Variants in DMD observed in about 807,000 individuals in gnomAD.
DMD encodes the protein mutant dystrophin.
DMD carries 63 observed loss-of-function variants against 330.1 expected under a neutral mutation model. The observed-to-expected ratio is 0.19, with a 90% CI of 0.16 to 0.24. The LOEUF is 0.24. Among genes scored for constraint, DMD ranks in the 10% least tolerant of loss-of-function variants. DMD has a pLI of 1.00. For missense variants in DMD, 3,344 were observed against 2,684.1 expected (o/e 1.25, Z -5.43); for synonymous variants, 1,223 against 959.8 (o/e 1.27, Z -5.07).
rs893536536 is a variant in DMD at position 32,740,574 on chromosome X, ATAT to A, written c.650-41284_650-41282del. On this transcript the variant is annotated intron_variant, in intron 7 of 78. Coordinates refer to ENST00000357033, the MANE Select transcript of DMD (RefSeq NM_004006.3). Reference sequence around the variant, plus strand: ...TAAGAATTTTACATGAATATTTACTATATTATTATTTAAGCATTATATAATCAT... The same window carrying A: ...TAAGAATTTTACATGAATATTTACTATATTATTTAAGCATTATATAATCAT... 8.1e-5 allele frequency among the ~76,000 whole-genome samples: 9 copies of A among 111,669 alleles called. 1 individual carries two copies. Among genetic ancestry groups the A allele is most frequent in the Non-Finnish European group, 1.1e-4 (6 of 53,106 alleles).
intron 7 of DMD, among the ~76,000 whole-genome samples, chrX:32,749,168 C>A (rs928726113): frequency 1.8e-5 from 2 of 112,081 alleles, no homozygotes; most frequent in African/African-American, 6.5e-5. Context: ...GTGATTGAAT[C>A]ACTATAATAT....
At chrX:32,928,055 T>A (rs775512154) in intron 2 of DMD, among the ~76,000 whole-genome samples, 1 of 111,207 alleles carries the variant, frequency 9.0e-6, no homozygotes, top group African/African-American at 3.3e-5. Flanking sequence ...AAGAAATTGA[T>A]GCCATTAATT....
chrX:31,933,059 T>A (rs780333479), intron 45 of DMD, among the ~76,000 whole-genome samples: 12 of 111,786 alleles, frequency 1.1e-4, no homozygotes, highest in African/African-American at 3.6e-4. Flanking sequence ...GACAAAATTG[T>A]CCCTGGTTGA....
chrX:32,479,193 C>A (rs565506432), intron 21 of DMD, among the ~76,000 whole-genome samples: 124 of 111,367 alleles, frequency 1.1e-3, no homozygotes, highest in African/African-American at 3.8e-3. Flanking sequence ...TATGGGGTAT[C>A]ATGTGATGTT....
At chrX:31,527,858 C>A (rs1177081663) in intron 55 of DMD, among the ~76,000 whole-genome samples, 6 of 111,701 alleles carry the variant, frequency 5.4e-5, no homozygotes, top group African/African-American at 9.8e-5. Context: ...GTCCTCGAAG[C>A]CAAGTCTAAA....
chrX:31,836,725 G>A lies in DMD; in HGVS notation c.7193C>T (p.Pro2398Leu). 1 of 1,208,674 alleles carries A rather than the reference G, an allele frequency of 8.3e-7. No individual in the cohort carries two copies. The highest frequency in any genetic ancestry group is 1.8e-5 in the South Asian group (1 of 56,914). The change falls in exon 49 of 79, where the codon CCA becomes CTA. Residue 2398 changes from proline to leucine, a missense_variant. Physicochemically the swap from Pro to Leu is moderately conservative, Grantham distance 98. Transcript: ENST00000357033. The stretch of plus-strand genomic sequence containing the variant: ...TAGAGGTTGCTTCATTACCTTCACT[G>A]GCTGAGTGGCTGGTTTTTCCTTGTA... ...HLYKEKPATQPVKRKLEDLSS... is the reference protein window; with the variant it reads ...HLYKEKPATQLVKRKLEDLSS...
At chrX:31,749,850 A>T (rs2088327110) in intron 51 of DMD, among the ~76,000 whole-genome samples, 1 of 105,405 alleles carries the variant, frequency 9.5e-6, no homozygotes, top group Admixed American at 1.0e-4. Context: ...CTGGTGTGAG[A>T]TGGTATCTCA....
intron 76 of DMD, among the ~76,000 whole-genome samples, chrX:31,141,281 ACT>A (rs1000856099): frequency 1.1e-4 from 12 of 112,554 alleles, no homozygotes; most frequent in Admixed American, 5.6e-4. Context: ...AAGAAAACTC[ACT>A]GAGTGAAAAG....
At chrX:32,548,832 A>AT (rs1372374141) in intron 16 of DMD, among the ~76,000 whole-genome samples, 1 of 111,495 alleles carries the variant, frequency 9.0e-6, no homozygotes, top group Non-Finnish European at 1.9e-5. Flanking sequence ...CACTCAATGC[A>AT]TTAGAATGAG....
At position 32,883,846 on chromosome X, in the gene DMD, A is replaced by AAGAAAAGAAAAG. The variant is rs1557113665; in HGVS notation, c.94-34027_94-34026insCTTTTCTTTTCT. 4.8e-3 allele frequency among the ~76,000 whole-genome samples: 485 copies of AAGAAAAGAAAAG among 101,957 alleles called. 14 individuals carry two copies. Among genetic ancestry groups the AAGAAAAGAAAAG allele is most frequent in the African/African-American group, 0.017 (458 of 27,142 alleles). 88.5% of individuals were successfully genotyped at this position (101,957 alleles called of 115,157 possible). ...TTCAAAAAAAAAAAAAAAAAAAAAA[A>AAGAAAAGAAAAG]AAAAAGAAAATGACTTCCATTTTAT... On this transcript the variant is annotated intron_variant, in intron 2 of 78. Transcript: ENST00000357033.
At chrX:32,720,505 C>T (rs2066180959) in intron 7 of DMD, among the ~76,000 whole-genome samples, 1 of 111,715 alleles carries the variant, frequency 9.0e-6, no homozygotes, top group Non-Finnish European at 1.9e-5. Context: ...TTTTTAACGC[C>T]TTTTTAGAAA....
chrX:32,511,168 T>G (rs766112993), intron 18 of DMD, among the ~76,000 whole-genome samples: 12 of 110,389 alleles, frequency 1.1e-4, no homozygotes, highest in Non-Finnish European at 2.3e-4. Context: ...ATTTCAATAT[T>G]ACTCCAAATA....
chrX:31,885,562 A>G (rs760244587), intron 47 of DMD, among the ~76,000 whole-genome samples: 28 of 100,022 alleles, frequency 2.8e-4, no homozygotes, highest in African/African-American at 1.0e-3. Context: ...GTGAGCCGAG[A>G]TCGCGCCACT....
chrX:32,106,975 C>A (rs1042325112), intron 44 of DMD, among the ~76,000 whole-genome samples: 2 of 112,074 alleles, frequency 1.8e-5, no homozygotes, highest in African/African-American at 3.2e-5. Flanking sequence ...TCAAGCTCTG[C>A]AATGATCCTT....
At chrX:32,113,952 CTTGT>C (rs1415684075) in intron 44 of DMD, among the ~76,000 whole-genome samples, 1 of 78,123 alleles carries the variant, frequency 1.3e-5, no homozygotes, top group African/African-American at 5.4e-5. Flanking sequence ...CTAATATTTT[CTTGT>C]TTTTTTTCTG....
At chrX:32,072,511 C>T (rs949611896) in intron 44 of DMD, among the ~76,000 whole-genome samples, 1 of 111,363 alleles carries the variant, frequency 9.0e-6, no homozygotes, top group African/African-American at 3.3e-5. Flanking sequence ...CTAACGAATT[C>T]CTTGAGTGCA....
At position 31,694,253 on chromosome X, in the gene DMD, C is replaced by G. The variant is rs1035961443; in HGVS notation, c.7661-14667G>C. On this transcript the variant is annotated intron_variant, in intron 52 of 78. Coordinates refer to ENST00000357033, the MANE Select transcript of DMD (RefSeq NM_004006.3). ...CTCACCCCTTATACAAGAATCAACTCAAAATGGATTAAAGCCTTAAATGTA... is the reference window on the plus strand; with the variant it reads ...CTCACCCCTTATACAAGAATCAACTGAAAATGGATTAAAGCCTTAAATGTA... 2.7e-5 allele frequency among the ~76,000 whole-genome samples: 3 copies of G among 110,489 alleles called. No homozygotes were observed. The Admixed American group carries it at 2.9e-4, about 11-fold the overall frequency.
rs191614972 is a variant in DMD at position 31,600,506 on chromosome X, T to C, written c.8217+27167A>G. On this transcript the variant is annotated intron_variant, in intron 55 of 78. Coordinates refer to ENST00000357033, the MANE Select transcript of DMD (RefSeq NM_004006.3). ...AATATCAATAAACAAGCATGCCAACTATGGTTTTTTTTTTTTTTTTTTTTT... is the reference window on the plus strand; with the variant it reads ...AATATCAATAAACAAGCATGCCAACCATGGTTTTTTTTTTTTTTTTTTTTT... Among the ~76,000 whole-genome samples, 175 of 102,905 alleles carry C rather than the reference T, an allele frequency of 1.7e-3. 1 individual carries two copies. The highest frequency in any genetic ancestry group is 6.0e-3 in the African/African-American group (170 of 28,366). 89.4% of individuals were successfully genotyped at this position (102,905 alleles called of 115,157 possible). A position where few individuals can be genotyped will look rare whatever the true frequency, so the allele number is the denominator to read the frequency against.
rs183805474 is a variant in DMD, at chrX:31,984,444, C to G, written c.6439-15930G>C. Among the ~76,000 whole-genome samples, 25 of 112,133 alleles carry G rather than the reference C, an allele frequency of 2.2e-4. 1 individual carries two copies. The Admixed American group carries it at 2.3e-3, about 10-fold the overall frequency. ...TTCATCACATCTAATTTTCTGTTTT[C>G]TTTTGATACACGAAGGTGAATGATG... On this transcript the variant is annotated intron_variant, in intron 44 of 78. Transcript: ENST00000357033.
Sources: gnomAD v4.1 joint callset for allele counts (sites outside exome capture counted in the v4.1 genomes callset) on GRCh38, gnomAD v4.1.1 for gene constraint, MANE v1.5 for transcripts, NCBI Gene and HGNC (gene_info 2026-07-23, HGNC 2026-07-21) for gene names.